C4orf17: variants seen among roughly 807,000 people sequenced by gnomAD.
C4orf17 encodes the protein chromosome 4 open reading frame 17, also known as uncharacterized protein C4orf17.
In C4orf17, 25 loss-of-function variants were observed where a neutral mutation model predicts 32.0. The observed-to-expected ratio is 0.78, with a 90% CI of 0.57 to 1.09. C4orf17 has a LOEUF of 1.09. Among genes scored for constraint, C4orf17 ranks in the 50% least tolerant of loss-of-function variants. C4orf17 has a pLI of 0.00. For missense variants in C4orf17, 420 were observed against 420.0 expected (o/e 1.00, Z 0.00); for synonymous variants, 149 against 145.8 (o/e 1.02, Z -0.16).
chr4:99,536,367 A>G (rs1723562861), intron 5 of C4orf17, among the ~76,000 whole-genome samples: 1 of 152,288 alleles, frequency 6.6e-6, no homozygotes, highest in Admixed American at 6.5e-5. Context: ...CTCTCCCCCA[A>G]GGGGCTCTGT....
At chr4:99,527,342 A>T (rs947596682) in intron 4 of C4orf17, among the ~76,000 whole-genome samples, 5 of 152,172 alleles carry the variant, frequency 3.3e-5, no homozygotes, top group African/African-American at 1.2e-4. Flanking sequence ...TAAATTTTTC[A>T]TGTACCCATG....
chr4:99,525,666 G>A (rs1358643283), intron 4 of C4orf17, among the ~76,000 whole-genome samples: 1 of 152,106 alleles, frequency 6.6e-6, no homozygotes, highest in South Asian at 2.1e-4. Flanking sequence ...TTGGTGGTAC[G>A]CGCCTGTAGT....
At chr4:99,538,843 TG>T (rs1001327674) in intron 6 of C4orf17, among the ~76,000 whole-genome samples, 2 of 152,252 alleles carry the variant, frequency 1.3e-5, no homozygotes, top group African/African-American at 4.8e-5. Context: ...TTCTTATTTT[TG>T]TATAGGTATC....
chr4:99,533,140 G>A (rs1723504392), intron 5 of C4orf17, among the ~76,000 whole-genome samples: 1 of 152,098 alleles, frequency 6.6e-6, no homozygotes, highest in African/African-American at 2.4e-5. Flanking sequence ...CATCCCAAGG[G>A]GTGTGGGAAG....
chr4:99,539,363 C>A lies in C4orf17; in HGVS notation c.829C>A (p.Pro277Thr). 1 of 1,613,598 alleles carries A rather than the reference C, an allele frequency of 6.2e-7. No homozygotes were observed. Among genetic ancestry groups the A allele is most frequent in the Non-Finnish European group, 8.5e-7 (1 of 1,179,528 alleles). The change falls in exon 7 of 9, where the codon CCA (proline) becomes ACA (threonine). Residue 277 changes from proline to threonine, a missense_variant. Coordinates refer to ENST00000326581, the MANE Select transcript of C4orf17 (RefSeq NM_032149.3). ...GACCAGAGATACAGAAGGGGATCAACCAACCAGGTAATTAGATATAATGGC... is the reference window on the plus strand; with the variant it reads ...GACCAGAGATACAGAAGGGGATCAAACAACCAGGTAATTAGATATAATGGC... ...VLTRDTEGDQPTRVSSQGSEE... is the reference protein window; with the variant it reads ...VLTRDTEGDQTTRVSSQGSEE...
intron 5 of C4orf17, chr4:99,536,031 TC>T (rs1723555554): frequency 4.5e-6 from 2 of 442,902 alleles, no homozygotes; most frequent in Non-Finnish European, 9.0e-6. Flanking sequence ...CCTTGAGTTT[TC>T]CCATACCTAG....
Position 99,515,180 on chromosome 4 carries a change from T to C in C4orf17, c.127+1972T>C, listed in dbSNP as rs138496539. Among the ~76,000 whole-genome samples the C allele has an allele frequency of 6.1e-3, 924 of 152,202 alleles. 7 individuals carry two copies. Among genetic ancestry groups the C allele is most frequent in the African/African-American group, 0.02 (827 of 41,534 alleles). On this transcript the variant is annotated intron_variant, in intron 2 of 8. Coordinates refer to ENST00000326581, the MANE Select transcript of C4orf17 (RefSeq NM_032149.3). ...TGCTTGGGTGATGGGTGCACCAAAATTTCAGAAATCACCACTAAAGAACTT... is the reference window on the plus strand; with the variant it reads ...TGCTTGGGTGATGGGTGCACCAAAACTTCAGAAATCACCACTAAAGAACTT...
chr4:99,519,332 A>C (rs1723247311), intron 2 of C4orf17: 1 of 152,280 alleles, frequency 6.6e-6, no homozygotes, highest in Non-Finnish European at 1.5e-5. Flanking sequence ...GGAGCTGGGG[A>C]GCTGAGAGCC....
At chr4:99,526,297 T>C (rs547450140) in intron 4 of C4orf17, among the ~76,000 whole-genome samples, 1 of 152,334 alleles carries the variant, frequency 6.6e-6, no homozygotes, top group South Asian at 2.1e-4. Context: ...GTGAATTACA[T>C]TGACTAAGTT....
chr4:99,531,355 C>G (rs1275094451), intron 5 of C4orf17, among the ~76,000 whole-genome samples: 1 of 152,018 alleles, frequency 6.6e-6, no homozygotes, highest in Non-Finnish European at 1.5e-5. Context: ...GAAAAGTGAA[C>G]TCAAAATCAA....
chr4:99,515,650 C>A (rs990830022), intron 2 of C4orf17, among the ~76,000 whole-genome samples: 7 of 152,118 alleles, frequency 4.6e-5, no homozygotes, highest in Admixed American at 4.6e-4. Context: ...CCCCATGACA[C>A]AAGTGTACCT....
chr4:99,523,021 T>C (rs10021082), intron 3 of C4orf17, among the ~76,000 whole-genome samples: 38,780 of 151,938 alleles, frequency 0.26, 9,620 homozygotes, highest in African/African-American at 0.61. Flanking sequence ...GATGGGGAAA[T>C]GATGTCAGAC....
chr4:99,523,448 AC>A, intron 3 of C4orf17, among the ~76,000 whole-genome samples: 1 of 152,358 alleles, frequency 6.6e-6, no homozygotes, highest in South Asian at 2.1e-4. Flanking sequence ...TAGAGTACTC[AC>A]TATATGGACA....
intron 8 of C4orf17, chr4:99,541,357 ACAT>A (rs1723648497): frequency 6.5e-6 from 1 of 152,828 alleles, no homozygotes; most frequent in Non-Finnish European, 1.5e-5. Flanking sequence ...TGGGACTATA[ACAT>A]CATGACAGTG....
chr4:99,538,266 G>A (rs572014198), intron 6 of C4orf17, among the ~76,000 whole-genome samples: 7 of 152,234 alleles, frequency 4.6e-5, no homozygotes, highest in South Asian at 4.1e-4. Flanking sequence ...ATTCCCAATC[G>A]GGACAATGAT....
At chr4:99,517,884 C>T (rs1375209051) in intron 2 of C4orf17, among the ~76,000 whole-genome samples, 1 of 152,172 alleles carries the variant, frequency 6.6e-6, no homozygotes, top group Non-Finnish European at 1.5e-5. Flanking sequence ...CTCATGGGCA[C>T]CTTGAACTGT....
chr4:99,521,828 T>C (rs1723291106), intron 2 of C4orf17, among the ~76,000 whole-genome samples: 1 of 152,196 alleles, frequency 6.6e-6, no homozygotes, highest in Admixed American at 6.5e-5. Flanking sequence ...AGCATTGATA[T>C]TGAAAAGAGA....
At chr4:99,515,918 T>G (rs1560584698) in intron 2 of C4orf17, among the ~76,000 whole-genome samples, 1 of 152,124 alleles carries the variant, frequency 6.6e-6, no homozygotes, top group East Asian at 1.9e-4. Flanking sequence ...AGGACAAACA[T>G]CCCTGCTATG....
chr4:99,536,582 A>G (rs1723566159), intron 5 of C4orf17, among the ~76,000 whole-genome samples: 1 of 152,204 alleles, frequency 6.6e-6, no homozygotes, highest in Non-Finnish European at 1.5e-5. Context: ...CCAGCAGGCT[A>G]GAACAGCTGA....
Sources: allele counts gnomAD v4.1 joint callset (sites outside exome capture counted in the v4.1 genomes callset), GRCh38; gene constraint gnomAD v4.1.1; transcripts MANE v1.5; gene names NCBI Gene and HGNC (gene_info 2026-07-23, HGNC 2026-07-21).